DENND1A: variants seen among roughly 807,000 people sequenced by gnomAD.
DENND1A encodes the protein DENN domain containing 1A.
In DENND1A, 51 loss-of-function variants were observed where a neutral mutation model predicts 113.7. The observed-to-expected ratio is 0.45, with a 90% confidence interval of 0.36 to 0.57. The LOEUF (loss-of-function observed/expected upper bound fraction) is 0.57. Ranked by LOEUF, DENND1A falls within the 20% of genes least tolerant of loss-of-function variation. DENND1A has a pLI of 0.00. For missense variants in DENND1A, 1,258 were observed against 1,395.9 expected, an observed-to-expected ratio of 0.90 and a Z score of 1.57; for synonymous variants, 565 against 570.8, an observed-to-expected ratio of 0.99 and a Z score of 0.14.
chr9:123,511,586 G>C (rs2053467528), intron 13 of DENND1A, among the ~76,000 whole-genome samples: 1 of 152,230 alleles, frequency 6.6e-6, no homozygotes, highest in African/African-American at 2.4e-5. Flanking sequence ...GCAGCACAAG[G>C]CCTGGCTTCA....
At chr9:123,419,481 C>T (rs894312297) in intron 19 of DENND1A, among the ~76,000 whole-genome samples, 1 of 152,244 alleles carries the variant, frequency 6.6e-6, no homozygotes, top group Non-Finnish European at 1.5e-5. Context: ...AGCAAATTCA[C>T]AATTAAACTC....
chr9:123,643,152 C>T (rs1447065058), intron 9 of DENND1A, among the ~76,000 whole-genome samples: 1 of 152,166 alleles, frequency 6.6e-6, no homozygotes, highest in African/African-American at 2.4e-5. Flanking sequence ...TATCACCCAC[C>T]ACTCCTCAGG....
At chr9:123,674,577 T>C (rs190705761) in intron 6 of DENND1A, among the ~76,000 whole-genome samples, 1 of 152,314 alleles carries the variant, frequency 6.6e-6, no homozygotes, top group Admixed American at 6.5e-5. Flanking sequence ...ATCTGTGTCA[T>C]AATTCTTTTA....
In DENND1A at chr9:123,841,660, C is replaced by A. The variant is rs1284936131; in HGVS notation, c.88+37291G>T. On this transcript the variant is annotated intron_variant, in intron 2 of 23. Coordinates refer to ENST00000394215, the MANE Select transcript of DENND1A (RefSeq NM_001352964.2). ...TTTAGGGATCTGAAAAGGTTCCCCC[C>A]TAAGGATGATTTAATGTCTGAAGTG... Among the ~76,000 whole-genome samples, 5 of 152,064 alleles carry A rather than the reference C, an allele frequency of 3.3e-5. No homozygotes were observed. The South Asian group carries it at 1.0e-3, about 32-fold the overall frequency.
chr9:123,757,222 TAC>T (rs747632722), intron 5 of DENND1A, among the ~76,000 whole-genome samples: 8 of 152,172 alleles, frequency 5.3e-5, no homozygotes, highest in Non-Finnish European at 1.0e-4. Flanking sequence ...TTCAAACCTC[TAC>T]AGAGGTAGCC....
At chr9:123,808,451 G>A (rs1037239822) in intron 2 of DENND1A, among the ~76,000 whole-genome samples, 1 of 150,492 alleles carries the variant, frequency 6.6e-6, no homozygotes, top group African/African-American at 2.5e-5. Context: ...CAGGATCACA[G>A]TTCACTGCAG....
intron 13 of DENND1A, among the ~76,000 whole-genome samples, chr9:123,458,948 C>T (rs1183853349): frequency 1.3e-5 from 2 of 151,712 alleles, no homozygotes; most frequent in Non-Finnish European, 2.9e-5. Flanking sequence ...GCAATAAGAG[C>T]AAAACTCCGT....
At chr9:123,600,265 T>C (rs1257645127) in intron 11 of DENND1A, among the ~76,000 whole-genome samples, 1 of 152,208 alleles carries the variant, frequency 6.6e-6, no homozygotes, top group Non-Finnish European at 1.5e-5. Flanking sequence ...TACACCTAAA[T>C]AATATTGATA....
chr9:123,882,867 AT>A (rs895544417), intron 1 of DENND1A, among the ~76,000 whole-genome samples: 1 of 152,236 alleles, frequency 6.6e-6, no homozygotes, highest in African/African-American at 2.4e-5. Flanking sequence ...GGGAAGTCTT[AT>A]GTGAAATTTA....
At chr9:123,773,620 A>G (rs1000826945) in intron 3 of DENND1A, among the ~76,000 whole-genome samples, 2 of 152,216 alleles carry the variant, frequency 1.3e-5, no homozygotes, top group African/African-American at 4.8e-5. Flanking sequence ...AGGGGGCTAT[A>G]GGAAATCCTG....
In DENND1A at chr9:123,486,430, A is replaced by G. The variant is rs142286586; in HGVS notation, c.994-28533T>C. Among the ~76,000 whole-genome samples, 1,081 of 152,128 alleles carry G rather than the reference A, an allele frequency of 7.1e-3. 13 individuals carry two copies. Among genetic ancestry groups the G allele is most frequent in the African/African-American group, 0.025 (1,031 of 41,480 alleles). On this transcript the variant is annotated intron_variant, in intron 13 of 23. Transcript: ENST00000394215. ...CTCTGCCGCCAGCCCCAGAGCTGCTAGCCCAGCCCTGGAATCTTTCTGCCT... is the reference window on the plus strand; with the variant it reads ...CTCTGCCGCCAGCCCCAGAGCTGCTGGCCCAGCCCTGGAATCTTTCTGCCT...
At chr9:123,626,833 A>G (rs1327577153) in intron 10 of DENND1A, among the ~76,000 whole-genome samples, 1 of 152,180 alleles carries the variant, frequency 6.6e-6, no homozygotes, top group African/African-American at 2.4e-5. Flanking sequence ...AATGATACCC[A>G]AGAAAACAGA....
intron 5 of DENND1A, among the ~76,000 whole-genome samples, chr9:123,684,217 C>G (rs1469766218): frequency 6.6e-6 from 1 of 152,098 alleles, no homozygotes; most frequent in East Asian, 1.9e-4. Flanking sequence ...ACACGTGAAC[C>G]CTTAAAATTG....
At chr9:123,545,446 T>C (rs1014146741) in intron 13 of DENND1A, among the ~76,000 whole-genome samples, 1 of 151,866 alleles carries the variant, frequency 6.6e-6, no homozygotes, top group Non-Finnish European at 1.5e-5. Flanking sequence ...GCTGGGGGCA[T>C]AGGAATAAGA....
At chr9:123,888,140 A>C (rs1411017615) in intron 1 of DENND1A, among the ~76,000 whole-genome samples, 1 of 152,154 alleles carries the variant, frequency 6.6e-6, no homozygotes, top group Non-Finnish European at 1.5e-5. Flanking sequence ...TGATTCTAGC[A>C]CTAAGACAGG....
At chr9:123,801,564 G>C (rs542498028) in intron 2 of DENND1A, among the ~76,000 whole-genome samples, 1 of 152,276 alleles carries the variant, frequency 6.6e-6, no homozygotes, top group East Asian at 1.9e-4. Flanking sequence ...TGGCTATTGT[G>C]AATAATGCTG....
intron 20 of DENND1A, among the ~76,000 whole-genome samples, chr9:123,406,472 G>A (rs545036227): frequency 2.2e-4 from 33 of 152,352 alleles, no homozygotes; most frequent in Admixed American, 2.0e-4. Context: ...ATTAGAAGAT[G>A]AGTTTTAGGA....
intron 3 of DENND1A, among the ~76,000 whole-genome samples, chr9:123,770,239 A>G (rs2768820): frequency 0.088 from 13,355 of 152,258 alleles, 666 homozygotes; most frequent in Middle Eastern, 0.13. Context: ...TTAATGTATT[A>G]AAATCTAAAG....
At chr9:123,799,738 G>A (rs1834333270) in intron 2 of DENND1A, among the ~76,000 whole-genome samples, 1 of 152,222 alleles carries the variant, frequency 6.6e-6, no homozygotes, top group East Asian at 1.9e-4. Flanking sequence ...ACAAATATTT[G>A]GAGTGTAATA....
Sources: gnomAD v4.1 joint callset for allele counts (sites outside exome capture counted in the v4.1 genomes callset) on GRCh38, gnomAD v4.1.1 for gene constraint, MANE v1.5 for transcripts, NCBI Gene and HGNC (gene_info 2026-07-23, HGNC 2026-07-21) for gene names.